Variants in RNF130 observed in about 807,000 individuals in gnomAD.
RNF130 encodes the protein ring finger protein 130, also known as E3 ubiquitin-protein ligase RNF130.
In RNF130, 21 loss-of-function variants were observed where a neutral mutation model predicts 44.6. The observed-to-expected ratio is 0.47, with a 90% CI of 0.33 to 0.68. The LOEUF (loss-of-function observed/expected upper bound fraction) is 0.68, where lower values mean the gene tolerates loss of function less well. Among genes scored for constraint, RNF130 ranks in the 30% least tolerant of loss-of-function variants. RNF130 has a pLI of 0.02. For synonymous variants in RNF130, 214 were observed against 210.4 expected (o/e 1.02, Z -0.15); for missense variants, 479 against 560.6 (o/e 0.85, Z 1.47).
chr5:179,986,621 CATT>C (rs1762958215), intron 3 of RNF130, among the ~76,000 whole-genome samples: 1 of 152,158 alleles, frequency 6.6e-6, no homozygotes, highest in South Asian at 2.1e-4. Context: ...GAAATTATTA[CATT>C]AATACAGTAC....
intron 1 of RNF130, among the ~76,000 whole-genome samples, chr5:180,044,135 A>G (rs1046926729): frequency 6.6e-6 from 1 of 152,242 alleles, no homozygotes. Flanking sequence ...TAAAATATCT[A>G]TATAATTATG....
chr5:179,913,763 C>T (rs2113664852), exon 8 of RNF130: 1 of 152,396 alleles, frequency 6.6e-6, no homozygotes, highest in East Asian at 1.9e-4. Context: ...GCCTCCTGAC[C>T]CCCAACCCAG....
At chr5:179,961,189 C>T (rs1762319349) in intron 8 of RNF130, among the ~76,000 whole-genome samples, 1 of 152,100 alleles carries the variant, frequency 6.6e-6, no homozygotes, top group African/African-American at 2.4e-5. Flanking sequence ...ATAATCACCA[C>T]ATTCTGGTGA....
chr5:180,026,249 T>C (rs1315954904), intron 2 of RNF130, among the ~76,000 whole-genome samples: 1 of 152,208 alleles, frequency 6.6e-6, no homozygotes, highest in Non-Finnish European at 1.5e-5. Flanking sequence ...ATGGAAAGAA[T>C]GTCCACAAAA....
chr5:180,046,368 G>C (rs1379883397), intron 1 of RNF130, among the ~76,000 whole-genome samples: 2 of 152,076 alleles, frequency 1.3e-5, no homozygotes, highest in Non-Finnish European at 2.9e-5. Flanking sequence ...AGCGAGCAGG[G>C]GCTGCTAGCA....
chr5:180,048,189 T>C (rs1269228478), intron 1 of RNF130, among the ~76,000 whole-genome samples: 2 of 152,196 alleles, frequency 1.3e-5, no homozygotes, highest in Admixed American at 6.5e-5. Context: ...AGGGAATTCA[T>C]TCCCTTCCAT....
At chr5:180,011,370 G>A (rs1763592670) in intron 3 of RNF130, among the ~76,000 whole-genome samples, 1 of 152,148 alleles carries the variant, frequency 6.6e-6, no homozygotes, top group Admixed American at 6.5e-5. Flanking sequence ...CCACACTATG[G>A]TTATGTAAGA....
chr5:180,043,930 A>G (rs10061480), intron 1 of RNF130, among the ~76,000 whole-genome samples: 85,093 of 151,928 alleles, frequency 0.56, 24,249 homozygotes, highest in South Asian at 0.73. Flanking sequence ...GTTTTCATAA[A>G]CAGGAACTTA....
At chr5:180,039,407 T>G (rs1764353384) in intron 2 of RNF130, among the ~76,000 whole-genome samples, 2 of 152,162 alleles carry the variant, frequency 1.3e-5, no homozygotes, top group South Asian at 4.1e-4. Flanking sequence ...CAGCTAATTT[T>G]TTTATTTTTA....
chr5:180,067,205 T>G (rs546091214), intron 1 of RNF130, among the ~76,000 whole-genome samples: 1 of 152,280 alleles, frequency 6.6e-6, no homozygotes, highest in African/African-American at 2.4e-5. Flanking sequence ...TAGCTAAGCC[T>G]TAGCTCCCTT....
exon 8 of RNF130, chr5:179,913,985 T>C (rs1397350315): frequency 6.6e-6 from 1 of 152,232 alleles, no homozygotes; most frequent in African/African-American, 2.4e-5. Flanking sequence ...CCACCTGCCT[T>C]CTTCCGGTGT....
At chr5:179,996,102 ATGTC>A (rs1763191946) in intron 3 of RNF130, among the ~76,000 whole-genome samples, 1 of 152,146 alleles carries the variant, frequency 6.6e-6, no homozygotes. Context: ...TGAACATGGG[ATGTC>A]TGTTTTTGTT....
intron 3 of RNF130, among the ~76,000 whole-genome samples, chr5:179,997,480 C>T (rs940409394): frequency 9.9e-5 from 15 of 152,124 alleles, no homozygotes; most frequent in Non-Finnish European, 1.9e-4. Context: ...CCCACCACCA[C>T]ACCCGGCTAA....
At chr5:180,055,939 CCAGGCA>C (rs1324476462) in intron 1 of RNF130, among the ~76,000 whole-genome samples, 8 of 151,960 alleles carry the variant, frequency 5.3e-5, no homozygotes, top group African/African-American at 1.9e-4. Flanking sequence ...CAAAAATTAG[CCAGGCA>C]TGGTGGTGGG....
At chr5:179,931,334 T>C (rs1298454803) in intron 7 of RNF130, among the ~76,000 whole-genome samples, 1 of 152,236 alleles carries the variant, frequency 6.6e-6, no homozygotes. Context: ...GTAGTATTTG[T>C]TTTTAATCAG....
chr5:179,981,969 CGCT>C (rs1224925924), intron 3 of RNF130, among the ~76,000 whole-genome samples: 1 of 152,174 alleles, frequency 6.6e-6, no homozygotes, highest in African/African-American at 2.4e-5. Flanking sequence ...ATGAAATCTA[CGCT>C]GTTTTCATTA....
chr5:180,005,418 G>A (rs1763443702), intron 3 of RNF130, among the ~76,000 whole-genome samples: 1 of 150,536 alleles, frequency 6.6e-6, no homozygotes, highest in African/African-American at 2.4e-5. Flanking sequence ...GACAGAACAA[G>A]CCTCTGTCTC....
rs559332373 is a variant in RNF130, at chr5:179,975,291, G to A, written c.848+2912C>T. Among the ~76,000 whole-genome samples the A allele has an allele frequency of 2.0e-4, 30 of 152,324 alleles. 1 individual carries two copies. In the South Asian group the frequency reaches 4.1e-3, roughly 21 times the overall value. On this transcript the variant is annotated intron_variant, in intron 5 of 8. Coordinates refer to ENST00000521389, the MANE Select transcript of RNF130 (RefSeq NM_018434.6). ...CTGCTGGGGTGAGGCTTGAAGAGCC[G>A]CGCACAGCCATCCTCAGCTCAGCGG...
At chr5:179,935,155 T>C (rs2113678870) in intron 7 of RNF130, among the ~76,000 whole-genome samples, 1 of 152,338 alleles carries the variant, frequency 6.6e-6, no homozygotes, top group East Asian at 1.9e-4. Context: ...CATTTGGGGA[T>C]CATTCTAATT....
Sources: allele counts gnomAD v4.1 joint callset (sites outside exome capture counted in the v4.1 genomes callset), GRCh38; gene constraint gnomAD v4.1.1; transcripts MANE v1.5; gene names NCBI Gene and HGNC (gene_info 2026-07-23, HGNC 2026-07-21).